ROBO1: variants seen among roughly 807,000 people sequenced by gnomAD.
The protein encoded by ROBO1 is roundabout homolog 1.
In ROBO1, 149 loss-of-function variants were observed where a neutral mutation model predicts 195.9. The observed-to-expected ratio is 0.76, with a 90% CI of 0.67 to 0.87. The LOEUF is 0.87. Among genes scored for constraint, ROBO1 ranks in the 40% least tolerant of loss-of-function variants. ROBO1 has a pLI of 0.00. For missense variants in ROBO1, 1,933 were observed against 2,068.3 expected, an observed-to-expected ratio of 0.93 and a Z score of 1.27; for synonymous variants, 816 against 733.2, an observed-to-expected ratio of 1.11 and a Z score of -1.82.
chr3:79,065,167 G>A (rs2078983902), intron 3 of ROBO1, among the ~76,000 whole-genome samples: 1 of 151,840 alleles, frequency 6.6e-6, no homozygotes, highest in Admixed American at 6.6e-5. Context: ...AAACTAAAAT[G>A]GAAATAACAC....
chr3:79,417,671 A>G (rs1211386190), intron 2 of ROBO1, among the ~76,000 whole-genome samples: 2 of 152,162 alleles, frequency 1.3e-5, no homozygotes, highest in Admixed American at 1.3e-4. Context: ...CATGACTGCA[A>G]TTATAACTTT....
chr3:79,471,588 T>G (rs978273140), intron 2 of ROBO1, among the ~76,000 whole-genome samples: 2 of 152,104 alleles, frequency 1.3e-5, no homozygotes, highest in Non-Finnish European at 2.9e-5. Context: ...ACTAAAATGG[T>G]TTACTCCTAT....
intron 2 of ROBO1, among the ~76,000 whole-genome samples, chr3:79,147,556 T>C (rs921859587): frequency 1.3e-5 from 2 of 151,968 alleles, no homozygotes; most frequent in African/African-American, 4.8e-5. Context: ...CAAATGACTT[T>C]AGGAAATTGG....
chr3:79,412,371 T>C (rs1575789957), intron 2 of ROBO1, among the ~76,000 whole-genome samples: 1 of 152,164 alleles, frequency 6.6e-6, no homozygotes, highest in Non-Finnish European at 1.5e-5. Context: ...TGTCAACATT[T>C]CTCATAACAT....
chr3:78,995,037 C>T (rs1355596146), intron 3 of ROBO1, among the ~76,000 whole-genome samples: 5 of 152,246 alleles, frequency 3.3e-5, no homozygotes, highest in East Asian at 1.9e-4. Context: ...GCTATACACT[C>T]GAAGCCAGAA....
At chr3:78,939,639 A>AG (rs2040025436) in intron 3 of ROBO1, among the ~76,000 whole-genome samples, 1 of 151,452 alleles carries the variant, frequency 6.6e-6, no homozygotes, top group African/African-American at 2.4e-5. Flanking sequence ...AAAAAAGAAA[A>AG]AAAAATGCTA....
intron 3 of ROBO1, among the ~76,000 whole-genome samples, chr3:79,068,409 C>T (rs1292085493): frequency 1.3e-5 from 2 of 151,808 alleles, no homozygotes; most frequent in Non-Finnish European, 2.9e-5. Context: ...TTACCTTTGT[C>T]TTCAGCAATT....
chr3:79,660,798 C>A (rs533274269), intron 1 of ROBO1, among the ~76,000 whole-genome samples: 1 of 152,048 alleles, frequency 6.6e-6, no homozygotes, highest in Admixed American at 6.6e-5. Context: ...GCCTGAAAAG[C>A]ACAATGACCT....
chr3:79,517,667 AAG>A (rs1388496971), intron 2 of ROBO1, among the ~76,000 whole-genome samples: 8 of 152,146 alleles, frequency 5.3e-5, no homozygotes, highest in African/African-American at 1.7e-4. Context: ...GTAACATATA[AAG>A]AGAGAGGCAA....
intron 1 of ROBO1, among the ~76,000 whole-genome samples, chr3:79,649,709 T>C (rs747334247): frequency 9.2e-5 from 14 of 152,202 alleles, no homozygotes; most frequent in Middle Eastern, 3.4e-3. Flanking sequence ...TCTGAGGGTA[T>C]CTCTGGAGGA....
At chr3:79,403,356 A>T (rs372101039) in intron 2 of ROBO1, among the ~76,000 whole-genome samples, 3 of 152,014 alleles carry the variant, frequency 2.0e-5, no homozygotes, top group African/African-American at 7.2e-5. Context: ...CAAAGAAAAA[A>T]AGTGGCTACT....
At chr3:78,676,254 T>C (rs1708416313) in intron 10 of ROBO1, among the ~76,000 whole-genome samples, 1 of 152,094 alleles carries the variant, frequency 6.6e-6, no homozygotes, top group African/African-American at 2.4e-5. Context: ...CTGGAAACTC[T>C]AAAAAGCAGA....
At chr3:79,456,684 T>C (rs1430657799) in intron 2 of ROBO1, among the ~76,000 whole-genome samples, 1 of 152,192 alleles carries the variant, frequency 6.6e-6, no homozygotes. Context: ...ATTTCTTGTG[T>C]CAGACCTAGA....
chr3:78,994,365 G>A (rs2077310376), intron 3 of ROBO1, among the ~76,000 whole-genome samples: 1 of 152,168 alleles, frequency 6.6e-6, no homozygotes, highest in East Asian at 1.9e-4. Flanking sequence ...TAAAAACAGT[G>A]GAGAAAAAAG....
intron 2 of ROBO1, among the ~76,000 whole-genome samples, chr3:79,578,764 G>A (rs1448414819): frequency 2.0e-5 from 3 of 152,256 alleles, no homozygotes; most frequent in African/African-American, 7.2e-5. Context: ...AATTTGCTTG[G>A]TTTTCTAATG....
intron 2 of ROBO1, among the ~76,000 whole-genome samples, chr3:79,326,683 C>T (rs892191737): frequency 6.6e-6 from 1 of 151,996 alleles, no homozygotes; most frequent in African/African-American, 2.4e-5. Flanking sequence ...TACATTGTGG[C>T]CTCTCTGTCG....
intron 3 of ROBO1, among the ~76,000 whole-genome samples, chr3:79,035,962 T>G (rs2108316349): frequency 6.6e-6 from 1 of 152,236 alleles, no homozygotes; most frequent in East Asian, 1.9e-4. Flanking sequence ...AATTAATATT[T>G]TAAAAAACCA....
chr3:79,489,651 CAAAAA>C (rs11328226), intron 2 of ROBO1, among the ~76,000 whole-genome samples: 5 of 88,826 alleles, frequency 5.6e-5, no homozygotes, highest in Admixed American at 1.1e-4. Flanking sequence ...GACTTCATCT[CAAAAA>C]AAAAAAAAAA....
At chr3:79,023,967 C>A (rs1215228019) in intron 3 of ROBO1, among the ~76,000 whole-genome samples, 1 of 151,750 alleles carries the variant, frequency 6.6e-6, no homozygotes, top group Non-Finnish European at 1.5e-5. Flanking sequence ...ACCTCAGCCT[C>A]CCAAAGTGCT....
Sources: allele counts gnomAD v4.1 joint callset (sites outside exome capture counted in the v4.1 genomes callset), GRCh38; gene constraint gnomAD v4.1.1; transcripts MANE v1.5; gene names NCBI Gene and HGNC (gene_info 2026-07-23, HGNC 2026-07-21).